The following BCAS3 variants were observed in gnomAD, a reference collection of about 807,000 sequenced individuals.
BCAS3 encodes the protein BCAS4/BCAS3 fusion.
In BCAS3, 53 loss-of-function variants were observed where a neutral mutation model predicts 116.1. The observed-to-expected ratio is 0.46, with a 90% CI of 0.37 to 0.57. BCAS3 has a LOEUF of 0.57. BCAS3 is among the 20% of genes least tolerant of loss of function. BCAS3 has a pLI of 0.00. For missense variants in BCAS3, 917 were observed against 1,165.4 expected (o/e 0.79, Z 3.10); for synonymous variants, 391 against 408.2 (o/e 0.96, Z 0.51).
chr17:60,998,901 A>G lies in BCAS3; in HGVS notation c.1486+8666A>G, dbSNP rs558646902. ...AAATTCTTTGCTCAAGCCAGTGTCC[A>G]GAAGAGTTTTTCCTGGGTTTTCTTC... On this transcript the variant is annotated intron_variant, in intron 15 of 23. Transcript: ENST00000407086. Among the ~76,000 whole-genome samples the G allele has an allele frequency of 7.2e-5, 11 of 152,246 alleles. No homozygotes were observed. The South Asian group carries it at 2.3e-3, about 32-fold the overall frequency.
intron 6 of BCAS3, among the ~76,000 whole-genome samples, chr17:60,754,061 TC>T (rs1375163999): frequency 4.4e-5 from 1 of 22,552 alleles, no homozygotes; most frequent in East Asian, 0.17. Context: ...TGAGACAGGG[TC>T]TCTCTCTCTC....
intron 14 of BCAS3, among the ~76,000 whole-genome samples, chr17:60,974,388 A>G (rs2062165970): frequency 6.6e-6 from 1 of 152,194 alleles, no homozygotes; most frequent in Non-Finnish European, 1.5e-5. Context: ...AAAATGTTGA[A>G]CATAGATGAA....
intron 7 of BCAS3, among the ~76,000 whole-genome samples, chr17:60,847,425 A>G (rs1001216379): frequency 2.2e-4 from 33 of 152,208 alleles, no homozygotes; most frequent in African/African-American, 7.7e-4. Context: ...TCCACAGGAG[A>G]TGTACCATTT....
intron 13 of BCAS3, among the ~76,000 whole-genome samples, chr17:60,941,768 T>A (rs142198764): frequency 6.6e-6 from 1 of 152,316 alleles, no homozygotes; most frequent in Admixed American, 6.5e-5. Flanking sequence ...TAGGAACATA[T>A]GGGAACGTGT....
rs148594814 is a variant in BCAS3 at position 61,071,918 on chromosome 17, C to T, written c.2030-3002C>T. ...CCTGTTTTGATGTTTGTGCTTTTAC[C>T]CAATTTAGTAATAAAAATGTATCAA... On this transcript the variant is annotated intron_variant, in intron 19 of 23. Coordinates refer to ENST00000407086, the MANE Select transcript of BCAS3 (RefSeq NM_017679.5). 2.8e-3 allele frequency among the ~76,000 whole-genome samples: 426 copies of T among 151,682 alleles called. 3 individuals carry two copies. Among genetic ancestry groups the T allele is most frequent in the African/African-American group, 9.9e-3 (408 of 41,326 alleles).
chr17:61,384,400 T>A (rs1178200819), intron 23 of BCAS3: 1 of 152,270 alleles, frequency 6.6e-6, no homozygotes, highest in Non-Finnish European at 1.5e-5. Context: ...GCTTTTCTCA[T>A]TAGAGCCGTA....
rs1474564449 is a variant in BCAS3, at chr17:61,056,828, C to T, written c.2029+15936C>T. On this transcript the variant is annotated intron_variant, in intron 19 of 23. Coordinates refer to ENST00000407086, the MANE Select transcript of BCAS3 (RefSeq NM_017679.5). The surrounding 1 kb of genome is among the most constrained non-coding windows in gnomAD (Gnocchi z 4.9). ...TCTCCATAAAAATGACCATTGCATC[C>T]ATGCACAGATTTTTTCTCTCCAGTT... Among the ~76,000 whole-genome samples the T allele has an allele frequency of 6.6e-6, 1 of 152,208 alleles. No individual in the cohort carries two copies. The highest frequency in any genetic ancestry group is 2.4e-5 in the African/African-American group (1 of 41,464).
In BCAS3 at chr17:61,388,488, ACT is replaced by A. The variant is rs1350643801; in HGVS notation, c.2594-3487_2594-3486del. 1 of 787,176 alleles carries A rather than the reference ACT, an allele frequency of 1.3e-6. No individual in the cohort carries two copies. Among genetic ancestry groups the A allele is most frequent in the East Asian group, 2.7e-5 (1 of 36,394 alleles). The allele number at this position is 787,176 out of a possible 1,614,324, so 48.8% of individuals were successfully genotyped here. A position where few individuals can be genotyped will look rare whatever the true frequency, so the allele number is the denominator to read the frequency against. ...ATGTCACTGTCCTCCTTGACTGCAAACTCCCCCTCCTCACGGTGTGCCCCTGC... is the reference window on the plus strand; with the variant it reads ...ATGTCACTGTCCTCCTTGACTGCAAACCCCCTCCTCACGGTGTGCCCCTGC... On this transcript the variant is annotated intron_variant, in intron 23 of 23. Transcript: ENST00000407086. This position sits in a 1 kb window ranked among gnomAD's most constrained non-coding sequence, Gnocchi z 6.5.
intron 4 of BCAS3, among the ~76,000 whole-genome samples, chr17:60,702,593 A>T (rs1488681041): frequency 2.0e-5 from 3 of 150,184 alleles, no homozygotes; most frequent in Non-Finnish European, 3.0e-5. Flanking sequence ...AAGAAAAGGA[A>T]TTTTTTTTTT....
intron 7 of BCAS3, among the ~76,000 whole-genome samples, chr17:60,833,971 A>G (rs763450843): frequency 2.6e-5 from 4 of 152,156 alleles, no homozygotes; most frequent in Non-Finnish European, 5.9e-5. Context: ...GGTGCAATTT[A>G]AGTTATATTT....
At chr17:60,919,767 T>C (rs1031741884) in intron 12 of BCAS3, among the ~76,000 whole-genome samples, 5 of 152,086 alleles carry the variant, frequency 3.3e-5, no homozygotes, top group Non-Finnish European at 5.9e-5. Context: ...TGCCAGTATA[T>C]TCAATCAATG....
chr17:61,086,634 A>G, intron 22 of BCAS3: 2 of 972,460 alleles, frequency 2.1e-6, no homozygotes, highest in Non-Finnish European at 2.4e-6. Flanking sequence ...TCTCTGCCTG[A>G]AAGTACCCAT....
At chr17:60,720,625 C>A (rs2039132920) in intron 5 of BCAS3, among the ~76,000 whole-genome samples, 1 of 151,818 alleles carries the variant, frequency 6.6e-6, no homozygotes, top group African/African-American at 2.4e-5. Flanking sequence ...AAAAATAATT[C>A]AACAATAAAA....
Position 60,710,674 on chromosome 17 carries a change from G to A in BCAS3, c.321+1349G>A, listed in dbSNP as rs535028776. On this transcript the variant is annotated intron_variant, in intron 5 of 23. Transcript: ENST00000407086. ...TCTTGATCTGCTGACCTCGTGATCC[G>A]CCCGCCTTGGCCTCCCAAAGTGCTG... Among the ~76,000 whole-genome samples the A allele has an allele frequency of 7.5e-4, 114 of 151,694 alleles. 1 individual carries two copies. The highest frequency in any genetic ancestry group is 6.5e-3 in the South Asian group (31 of 4,804).
chr17:61,289,147 A>T (rs1242855233), intron 22 of BCAS3, among the ~76,000 whole-genome samples: 1 of 152,054 alleles, frequency 6.6e-6, no homozygotes, highest in Admixed American at 6.5e-5. Context: ...TGGAACTTTG[A>T]CTTTGACCTT....
At chr17:60,698,801 A>G (rs915102774) in intron 4 of BCAS3, among the ~76,000 whole-genome samples, 3 of 152,206 alleles carry the variant, frequency 2.0e-5, no homozygotes, top group African/African-American at 4.8e-5. Flanking sequence ...CACGCCTGTA[A>G]TCCCAGCACT....
chr17:60,899,393 T>C (rs1053941869), intron 10 of BCAS3, among the ~76,000 whole-genome samples: 5 of 152,160 alleles, frequency 3.3e-5, no homozygotes, highest in African/African-American at 4.8e-5. Context: ...CTGGCAGCAC[T>C]TGCTTCCCTG....
intron 6 of BCAS3, among the ~76,000 whole-genome samples, chr17:60,793,221 C>A (rs963141986): frequency 6.6e-6 from 1 of 152,068 alleles, no homozygotes; most frequent in African/African-American, 2.4e-5. Context: ...CTCAGCCTCC[C>A]GAGTAGCTGG....
At position 61,330,774 on chromosome 17, in the gene BCAS3, C is replaced by G. The variant is rs147262686; in HGVS notation, c.2426-37553C>G. The stretch of plus-strand genomic sequence containing the variant: ...GAATGAGGAGACCCGAGTTCTAATC[C>G]CAGCACTATCACTGTACTCCATAGC... On this transcript the variant is annotated intron_variant, in intron 22 of 23. Transcript: ENST00000407086. Among the ~76,000 whole-genome samples, 558 of 152,294 alleles carry G rather than the reference C, an allele frequency of 3.7e-3. 9 individuals are homozygous for G. Among genetic ancestry groups the G allele is most frequent in the African/African-American group, 0.012 (519 of 41,552 alleles).
Sources: allele counts gnomAD v4.1 joint callset (sites outside exome capture counted in the v4.1 genomes callset), GRCh38; gene constraint gnomAD v4.1.1; non-coding constraint Gnocchi (gnomAD v3.1); transcripts MANE v1.5; gene names NCBI Gene and HGNC (gene_info 2026-07-23, HGNC 2026-07-21).